The following ZFP64 variants were observed in gnomAD, a reference collection of about 807,000 sequenced individuals.
ZFP64 encodes the protein ZFP64 zinc finger protein.
In ZFP64, 14 loss-of-function variants were observed where a neutral mutation model predicts 51.6. That is an observed-to-expected ratio of 0.27 (90% CI 0.18 to 0.42). ZFP64 has a LOEUF of 0.42. ZFP64 is among the 10% of genes least tolerant of loss of function. ZFP64 has a pLI of 1.00. For missense variants in ZFP64, 754 were observed against 906.8 expected (o/e 0.83, Z 2.16); for synonymous variants, 375 against 361.4 (o/e 1.04, Z -0.43).
At chr20:52,188,476 G>A (rs559808069) in intron 1 of ZFP64, among the ~76,000 whole-genome samples, 52 of 150,370 alleles carry the variant, frequency 3.5e-4, no homozygotes, top group African/African-American at 6.6e-4. Context: ...CACTACGCTC[G>A]ACTAATTTTT....
At chr20:52,090,927 CAAAAAAAAAAAAAA>C (rs797006213) in intron 7 of ZFP64, among the ~76,000 whole-genome samples, 2 of 68,080 alleles carry the variant, frequency 2.9e-5, no homozygotes, top group African/African-American at 1.1e-4. Context: ...CTGACTCTAC[CAAAAAAAAAAAAAA>C]AAAAAAAAAA....
Position 52,186,984 on chromosome 20 carries a change from G to T in ZFP64, c.134C>A (p.Ala45Asp). Residue 45 changes from alanine to aspartate, a missense_variant, in exon 2 of 6, where the codon GCC (alanine) becomes GAC (aspartate). Ala to Asp is a moderately radical substitution (Grantham distance 126). Coordinates refer to ENST00000216923, the MANE Select transcript of ZFP64 (RefSeq NM_018197.3). ...ICKQQFNNLD[A>D]FVAHKQSGCQ... Reference sequence around the variant, plus strand: ...GCCACTTTGCTTGTGAGCTACAAAGGCATCCAGGTTGTTAAACTGCTGCTT... The same window carrying T: ...GCCACTTTGCTTGTGAGCTACAAAGTCATCCAGGTTGTTAAACTGCTGCTT... 6.2e-7 allele frequency: 1 copy of T among 1,614,096 alleles called. No homozygotes were observed. Among genetic ancestry groups the T allele is most frequent in the Non-Finnish European group, 8.5e-7 (1 of 1,179,970 alleles).
At chr20:52,096,354 A>G (rs561043119) in intron 7 of ZFP64, among the ~76,000 whole-genome samples, 1 of 152,358 alleles carries the variant, frequency 6.6e-6, no homozygotes, top group South Asian at 2.1e-4. Context: ...TAAGCGATGC[A>G]GAGAACTACA....
Position 52,186,937 on chromosome 20 carries a change from C to A in ZFP64, c.181G>T (p.Ala61Ser). 5.0e-6 allele frequency: 8 copies of A among 1,614,084 alleles called. No individual in the cohort carries two copies. Among genetic ancestry groups the A allele is most frequent in the Non-Finnish European group, 6.8e-6 (8 of 1,179,982 alleles). ...AACTGGACCGTGCTGGGGGCTGCTG[C>A]GGATGTGCCTGTCAGCTGGCAGCCA... ...QSGCQLTGTS[A>S]AAPSTVQFVS... The change falls in exon 2 of 6, where the codon GCA becomes TCA. Residue 61 changes from alanine to serine, a missense_variant. Ala to Ser is a moderately conservative substitution (Grantham distance 99). Around this residue, in one of 3 missense-constraint regions of ZFP64, gnomAD observed 95 missense variants for 97.7 expected, o/e 0.97. Transcript: ENST00000216923.
rs148745983 is a variant in ZFP64, at chr20:52,100,461, G to A, written c.764-1874C>T. ...GGGTTTCACCATGTTGGCCAAGTTGGTCTTGAACTCCTGACCTCAAGTGAT... is the reference window on the plus strand; with the variant it reads ...GGGTTTCACCATGTTGGCCAAGTTGATCTTGAACTCCTGACCTCAAGTGAT... On this transcript the variant is annotated intron_variant, in intron 5 of 8. Transcript: ENST00000361387. Among the ~76,000 whole-genome samples, 473 of 152,126 alleles carry A rather than the reference G, an allele frequency of 3.1e-3. 2 individuals are homozygous for A. The highest frequency in any genetic ancestry group is 0.011 in the African/African-American group (449 of 41,508).
intron 5 of ZFP64, chr20:52,111,166 CG>C (rs1052393617): frequency 3.1e-6 from 2 of 653,322 alleles, no homozygotes; most frequent in Non-Finnish European, 5.5e-6. Context: ...GTGGGGAAGC[CG>C]TAGTGGAGAA....
chr20:52,157,766 C>T (rs1981437606), intron 5 of ZFP64, among the ~76,000 whole-genome samples: 1 of 152,146 alleles, frequency 6.6e-6, no homozygotes, highest in Non-Finnish European at 1.5e-5. Flanking sequence ...GGTTTGCTGA[C>T]CCATCAACCC....
chr20:52,084,971 G>A (rs143132383), exon 9 of ZFP64: 7 of 1,613,814 alleles, frequency 4.3e-6, no homozygotes, highest in African/African-American at 1.3e-5. Flanking sequence ...CGCGCAGGGC[G>A]GCCGCGCTGG....
intron 3 of ZFP64, chr20:52,165,044 A>G: frequency 3.6e-6 from 2 of 551,944 alleles, no homozygotes; most frequent in East Asian, 8.8e-5. Context: ...AAAAATGTCA[A>G]GCTTATGAAA....
intron 2 of ZFP64, chr20:52,176,055 T>A: frequency 1.3e-6 from 1 of 785,524 alleles, no homozygotes; most frequent in Non-Finnish European, 1.5e-6. Flanking sequence ...TGCTGATTGG[T>A]GCAGTGGAAG....
In ZFP64 at chr20:52,186,753, T is replaced by C. The variant is rs11907004; in HGVS notation, c.286+79A>G. The C allele has an allele frequency of 1.8e-3, 2,701 of 1,517,108 alleles. 36 individuals carry two copies. The African/African-American group carries it at 0.034, about 19-fold the overall frequency. 94.0% of individuals were successfully genotyped at this position (1,517,108 alleles called of 1,614,324 possible). ...CTAGGGGGTGGGCTCTGGGAATCTA[T>C]ATTTTTAACAAGTTCCATGGACGTG... On this transcript the variant is annotated intron_variant, in intron 2 of 5. Coordinates refer to ENST00000216923, the MANE Select transcript of ZFP64 (RefSeq NM_018197.3).
At chr20:52,167,256 C>T (rs777261969) in intron 2 of ZFP64, among the ~76,000 whole-genome samples, 13 of 151,666 alleles carry the variant, frequency 8.6e-5, no homozygotes, top group South Asian at 4.2e-4. Flanking sequence ...ACCTGGGAGG[C>T]GGGGGTTGCA....
chr20:52,183,478 G>A (rs1264281231), intron 2 of ZFP64, among the ~76,000 whole-genome samples: 3 of 152,170 alleles, frequency 2.0e-5, no homozygotes, highest in African/African-American at 7.2e-5. Context: ...CAAAACACAT[G>A]TCCCAGGACT....
At chr20:52,114,677 C>T (rs4811295) in intron 5 of ZFP64, among the ~76,000 whole-genome samples, 8,068 of 152,288 alleles carry the variant, frequency 0.053, 282 homozygotes, top group Admixed American at 0.11. Context: ...TTTATAGCCA[C>T]TTTTGAGGGC....
chr20:52,148,567 G>A (rs189315520), downstream of ZFP64, among the ~76,000 whole-genome samples: 883 of 152,328 alleles, frequency 5.8e-3, 3 homozygotes, highest in Non-Finnish European at 9.7e-3. Context: ...CAGGTGTGGT[G>A]GCACACGCCT....
intron 2 of ZFP64, chr20:52,175,957 G>A: frequency 1.0e-6 from 1 of 984,116 alleles, no homozygotes; most frequent in Non-Finnish European, 1.2e-6. Flanking sequence ...ACCGTCCACA[G>A]TGGGCGTTAG....
Position 52,160,484 on chromosome 20 carries a change from TC to T in ZFP64, c.512-111del. On this transcript the variant is annotated intron_variant, in intron 4 of 5. Transcript: ENST00000216923. The surrounding 1 kb of genome is among the most constrained non-coding windows in gnomAD (Gnocchi z 4.2). ...GTCATATACAACCACCGAAGAATATTCCAAAAACCCTAAAACACTGGGTGGA... is the reference window on the plus strand; with the variant it reads ...GTCATATACAACCACCGAAGAATATTCAAAAACCCTAAAACACTGGGTGGA... 7.0e-7 allele frequency: 1 copy of T among 1,437,748 alleles called. No individual in the cohort carries two copies. The highest frequency in any genetic ancestry group is 9.3e-7 in the Non-Finnish European group (1 of 1,080,806). The allele number at this position is 1,437,748 out of a possible 1,614,324, so 89.1% of individuals were successfully genotyped here.
intron 2 of ZFP64, among the ~76,000 whole-genome samples, chr20:52,179,675 C>T (rs1265831126): frequency 6.6e-6 from 1 of 152,188 alleles, no homozygotes; most frequent in African/African-American, 2.4e-5. Flanking sequence ...TGTCATTGTC[C>T]TCTGGCCAAA....
At chr20:52,175,583 G>A (rs1476273755) in intron 2 of ZFP64, among the ~76,000 whole-genome samples, 1 of 152,194 alleles carries the variant, frequency 6.6e-6, no homozygotes. Context: ...GGCGGCTCAC[G>A]CCTGTAATCC....
Sources: gnomAD v4.1 joint callset for allele counts (sites outside exome capture counted in the v4.1 genomes callset) on GRCh38, gnomAD v4.1.1 for gene constraint, gnomAD v4.1.1 regional missense constraint, Gnocchi (gnomAD v3.1) non-coding constraint, MANE v1.5 for transcripts, NCBI Gene and HGNC (gene_info 2026-07-23, HGNC 2026-07-21) for gene names.